LAMA3: variants seen among roughly 807,000 people sequenced by gnomAD.
LAMA3 encodes the protein laminin subunit alpha-3.
A neutral mutation model predicts 402.0 loss-of-function variants in LAMA3; 281 were observed. The observed-to-expected ratio is 0.70, with a 90% confidence interval of 0.63 to 0.77. LAMA3 has a LOEUF of 0.77. LAMA3 is among the 30% of genes least tolerant of loss of function. LAMA3 has a pLI of 0.00. For synonymous variants in LAMA3, 1,431 were observed against 1,558.4 expected (o/e 0.92, Z 1.93); for missense variants, 3,840 against 4,215.5 (o/e 0.91, Z 2.47).
intron 7 of LAMA3, among the ~76,000 whole-genome samples, chr18:23,761,001 G>C (rs931426799): frequency 6.6e-6 from 1 of 152,058 alleles, no homozygotes; most frequent in Admixed American, 6.5e-5. Flanking sequence ...TTTGGGGTGG[G>C]GGGGGCACAA....
At chr18:23,713,639 A>T (rs2061038218) in intron 1 of LAMA3, among the ~76,000 whole-genome samples, 1 of 152,246 alleles carries the variant, frequency 6.6e-6, no homozygotes, top group Non-Finnish European at 1.5e-5. Flanking sequence ...TGTATGAAAC[A>T]AAAACATAGC....
intron 42 of LAMA3, among the ~76,000 whole-genome samples, chr18:23,890,766 C>G (rs1290555837): frequency 6.6e-6 from 1 of 152,028 alleles, no homozygotes; most frequent in African/African-American, 2.4e-5. Context: ...AGAACTAAAC[C>G]CTGGATATGT....
Position 23,861,691 on chromosome 18 carries a change from G to C in LAMA3, c.4468G>C (p.Asp1490His). ...GCACCTGGAGACAGCAGACAGAGTG[G>C]ACATCCCTGTCTCTTTCAACCCAGG... ...GWHLETADRV[D>H]IPVSFNPGSN... The change falls in exon 35 of 75, where the codon GAC (aspartate) becomes CAC (histidine). Residue 1490 changes from aspartate (D) to histidine (H), a missense_variant. Around this residue, in one of 3 missense-constraint regions of LAMA3, gnomAD observed 2,109 missense variants for 2,376.0 expected, o/e 0.89. Coordinates refer to ENST00000313654, the MANE Select transcript of LAMA3 (RefSeq NM_198129.4). 6.2e-7 allele frequency: 1 copy of C among 1,614,166 alleles called. No homozygotes were observed. The highest frequency in any genetic ancestry group is 1.1e-5 in the South Asian group (1 of 91,080).
chr18:23,899,365 G>T lies in LAMA3; in HGVS notation c.5914G>T (p.Glu1972Ter). The change falls in exon 47 of 75, where the codon GAA becomes TAA. Residue 1972 changes from glutamate (E) to a stop codon, truncating the protein, a stop_gained. Transcript: ENST00000313654. LOFTEE classifies it high-confidence loss of function. ...PSGDFSREWA[E>*]AQRMMRELRN... The stretch of plus-strand genomic sequence containing the variant: ...AGGTGACTTTTCCAGAGAGTGGGCT[G>T]AAGCCCAGCGCATGATGAGGGAACT... The T allele has an allele frequency of 6.2e-7, 1 of 1,613,742 alleles. No individual in the cohort carries two copies. The highest frequency in any genetic ancestry group is 8.5e-7 in the Non-Finnish European group (1 of 1,179,622).
chr18:23,746,356 T>G (rs2143501741), intron 2 of LAMA3, among the ~76,000 whole-genome samples: 1 of 152,298 alleles, frequency 6.6e-6, no homozygotes, highest in Non-Finnish European at 1.5e-5. Flanking sequence ...AAAGTATGGA[T>G]GAGAACCTGT....
rs763445888 is a variant in LAMA3, at chr18:23,845,129, G to A, written c.3719+5G>A. 28 of 1,502,278 alleles carry A rather than the reference G, an allele frequency of 1.9e-5. No individual in the cohort carries two copies. The highest frequency in any genetic ancestry group is 1.7e-4 in the Middle Eastern group (1 of 5,872). 93.1% of individuals were successfully genotyped at this position (1,502,278 alleles called of 1,614,324 possible). ...AAAAAACAGCTTTTACCTTGAGTGAGTATCACTTTGTGGGAAGGCTCTGGA... is the reference window on the plus strand; with the variant it reads ...AAAAAACAGCTTTTACCTTGAGTGAATATCACTTTGTGGGAAGGCTCTGGA... On this transcript the variant is annotated splice_donor_5th_base_variant and intron_variant, in intron 30 of 74. Transcript: ENST00000313654.
Position 23,815,511 on chromosome 18 carries a change from C to T in LAMA3, c.1985C>T (p.Ser662Phe), listed in dbSNP as rs772903420. 1.1e-5 allele frequency: 18 copies of T among 1,613,998 alleles called. No homozygotes were observed. ...TGCAAGTCCCATGTGGGTGGCGATT[C>T]CTGCGACACCTGTGAAGATGGATAT... ...CHCKSHVGGDSCDTCEDGYFA... is the reference protein window; with the variant it reads ...CHCKSHVGGDFCDTCEDGYFA... The change falls in exon 17 of 75, where the codon TCC (serine) becomes TTC (phenylalanine). Residue 662 changes from serine to phenylalanine, a missense_variant. Physicochemically the swap from Ser to Phe is radical, Grantham distance 155. Coordinates refer to ENST00000313654, the MANE Select transcript of LAMA3 (RefSeq NM_198129.4).
rs553408487 is a variant in LAMA3 at position 23,757,391 on chromosome 18, G to A, written c.948-1005G>A. Among the ~76,000 whole-genome samples, 3 of 151,976 alleles carry A rather than the reference G, an allele frequency of 2.0e-5. No homozygotes were observed. In the South Asian group the frequency reaches 6.2e-4, roughly 32 times the overall value. ...CCTGCTTGGCGCTCTCCAGCAGCCC[G>A]GGATGCAGCCGGATTCCCACCTCTA... On this transcript the variant is annotated intron_variant, in intron 6 of 74. Transcript: ENST00000313654.
intron 12 of LAMA3, among the ~76,000 whole-genome samples, chr18:23,790,456 T>C (rs2062628188): frequency 2.0e-5 from 3 of 152,228 alleles, no homozygotes; most frequent in Admixed American, 1.3e-4. Flanking sequence ...AAAATGTATT[T>C]TTTACTGTGA....
At chr18:23,762,631 C>G (rs997419486) in intron 7 of LAMA3, among the ~76,000 whole-genome samples, 1 of 151,856 alleles carries the variant, frequency 6.6e-6, no homozygotes, top group Non-Finnish European at 1.5e-5. Flanking sequence ...GATAGCTGCC[C>G]CGACACACTT....
In LAMA3 at chr18:23,904,072, C is replaced by T. The variant is rs201935683; in HGVS notation, c.6458C>T (p.Ala2153Val). The T allele has an allele frequency of 1.2e-5, 19 of 1,613,718 alleles. No individual in the cohort carries two copies. In the African/African-American group the frequency reaches 2.3e-4, roughly 19 times the overall value. ...EKHARSLQEL[A>V]KQLEEIKRNA... ...CACGCGCGGTCCTTACAAGAGCTGG[C>T]AAAGCAGCTGGAAGAGTGAGTGCAT... is the stretch of plus-strand genomic sequence containing the variant. Residue 2153 changes from alanine (A) to valine (V), a missense_variant, in exon 50 of 75, where the codon GCA becomes GTA. Physicochemically the swap from Ala to Val is moderately conservative, Grantham distance 64 (BLOSUM62 0). Around this residue, in one of 3 missense-constraint regions of LAMA3, gnomAD observed 891 missense variants for 857.5 expected, o/e 1.04. Coordinates refer to ENST00000313654, the MANE Select transcript of LAMA3 (RefSeq NM_198129.4).
chr18:23,729,372 C>T (rs1230157636), intron 2 of LAMA3, among the ~76,000 whole-genome samples: 1 of 152,132 alleles, frequency 6.6e-6, no homozygotes, highest in African/African-American at 2.4e-5. Context: ...CATATACATA[C>T]CAAAGCCATA....
At chr18:23,774,260 C>T (rs2062266254) in intron 9 of LAMA3, among the ~76,000 whole-genome samples, 1 of 152,172 alleles carries the variant, frequency 6.6e-6, no homozygotes, top group Non-Finnish European at 1.5e-5. Context: ...AACAAGACAA[C>T]ACAGTAATGA....
At chr18:23,952,067 G>T (rs1199438248) in intron 73 of LAMA3, among the ~76,000 whole-genome samples, 1 of 152,192 alleles carries the variant, frequency 6.6e-6, no homozygotes, top group South Asian at 2.1e-4. Flanking sequence ...ATAGTATAAC[G>T]TTGTGATTTA....
intron 8 of LAMA3, 29 bp downstream of exon 8, chr18:23,763,552 G>A: frequency 4.7e-6 from 6 of 1,283,886 alleles, no homozygotes; most frequent in Non-Finnish European, 6.8e-6. Flanking sequence ...CAAAGTGGAT[G>A]TGTTGTCATG....
intron 67 of LAMA3, 126 bp from the exon 68 acceptor site, chr18:23,939,097 C>T (rs957464041): frequency 5.1e-6 from 5 of 984,856 alleles, no homozygotes; most frequent in East Asian, 2.4e-5. Context: ...TCCATGGTAC[C>T]AGGCCTTCTA....
chr18:23,822,998 G>A (rs9946820), intron 20 of LAMA3, among the ~76,000 whole-genome samples: 23,622 of 152,178 alleles, frequency 0.16, 2,705 homozygotes, highest in East Asian at 0.57. Context: ...CAGATTCCAA[G>A]AAGCATTTGG....
intron 6 of LAMA3, among the ~76,000 whole-genome samples, chr18:23,757,825 TTA>T (rs2061882202): frequency 6.6e-6 from 1 of 152,258 alleles, no homozygotes; most frequent in South Asian, 2.1e-4. Context: ...AATGAGACTT[TTA>T]ACCCTTTGCT....
rs1405094482 is a variant in LAMA3 at position 23,907,910 on chromosome 18, G to T, written c.6990G>T (p.Lys2330Asn). 3 of 1,613,930 alleles carry T rather than the reference G, an allele frequency of 1.9e-6. No individual in the cohort carries two copies. The highest frequency in any genetic ancestry group is 3.3e-5 in the Admixed American group (2 of 60,020). The part of the protein sequence containing the change: ...YGRTQNEDFK[K>N]ALTDADNSVN... ...GGACACAGAACGAAGACTTCAAAAAGGCTCTGACTGATGCAGATAACTCGG... is the reference window on the plus strand; with the variant it reads ...GGACACAGAACGAAGACTTCAAAAATGCTCTGACTGATGCAGATAACTCGG... Residue 2330 changes from lysine (K) to asparagine (N), a missense_variant, in exon 54 of 75, where the codon AAG (lysine) becomes AAT (asparagine). Coordinates refer to ENST00000313654, the MANE Select transcript of LAMA3 (RefSeq NM_198129.4).
Sources: gnomAD v4.1 joint callset for allele counts (sites outside exome capture counted in the v4.1 genomes callset) on GRCh38, gnomAD v4.1.1 for gene constraint, gnomAD v4.1.1 regional missense constraint, MANE v1.5 for transcripts, NCBI Gene and HGNC (gene_info 2026-07-23, HGNC 2026-07-21) for gene names.